The following GRID1 variants were observed in gnomAD, a reference collection of about 807,000 sequenced individuals.
GRID1 encodes glutamate receptor ionotropic, delta-1.
Under a neutral mutation model 98.0 loss-of-function variants are expected in GRID1, and 28 were observed. The observed-to-expected ratio is 0.29, with a 90% CI of 0.21 to 0.39. The LOEUF is 0.39. Among genes scored for constraint, GRID1 ranks in the 10% least tolerant of loss-of-function variants. The pLI, the probability that GRID1 is intolerant of heterozygous loss-of-function variation, is 1.00. For missense variants in GRID1, 1,111 were observed against 1,340.5 expected, an observed-to-expected ratio of 0.83 and a Z score of 2.67; for synonymous variants, 553 against 538.5, an observed-to-expected ratio of 1.03 and a Z score of -0.37.
At chr10:86,031,309 C>G (rs1232922942) in intron 4 of GRID1, among the ~76,000 whole-genome samples, 1 of 152,038 alleles carries the variant, frequency 6.6e-6, no homozygotes, top group Non-Finnish European at 1.5e-5. Context: ...GATGCAAAAA[C>G]AGAAAACCAA....
intron 8 of GRID1, among the ~76,000 whole-genome samples, chr10:85,799,812 C>G (rs1278937852): frequency 6.6e-6 from 1 of 151,828 alleles, no homozygotes; most frequent in Non-Finnish European, 1.5e-5. Flanking sequence ...AGTAGGGTGA[C>G]TACAGTTAAA....
chr10:85,769,135 T>G (rs1439220951), intron 8 of GRID1, among the ~76,000 whole-genome samples: 3 of 152,036 alleles, frequency 2.0e-5, no homozygotes, highest in Non-Finnish European at 4.4e-5. Context: ...TGAAAATAAC[T>G]GCAAGAAAAA....
intron 8 of GRID1, among the ~76,000 whole-genome samples, chr10:85,749,787 T>C (rs1880387): frequency 0.67 from 102,485 of 151,988 alleles, 34,729 homozygotes; most frequent in East Asian, 0.81. Flanking sequence ...ATTTTCACCC[T>C]AGAACTACTC....
intron 12 of GRID1, among the ~76,000 whole-genome samples, chr10:85,689,261 A>G (rs1841306256): frequency 1.3e-5 from 2 of 152,230 alleles, no homozygotes; most frequent in Non-Finnish European, 2.9e-5. Flanking sequence ...TAATAAGGAA[A>G]GAGCCAGGAA....
intron 12 of GRID1, among the ~76,000 whole-genome samples, chr10:85,651,229 A>T (rs1843264452): frequency 6.6e-6 from 1 of 152,242 alleles, no homozygotes; most frequent in African/African-American, 2.4e-5. Flanking sequence ...TACACAGTTA[A>T]TGTTTAATAA....
intron 3 of GRID1, among the ~76,000 whole-genome samples, chr10:86,205,648 A>G (rs1902672): frequency 0.78 from 118,326 of 152,118 alleles, 46,110 homozygotes; most frequent in East Asian, 0.88. Flanking sequence ...CTAAATTATC[A>G]CATAATTTTC....
rs185851007 is a variant in GRID1, at chr10:86,283,149, C to T, written c.236-76501G>A. Among the ~76,000 whole-genome samples, 254 of 152,276 alleles carry T rather than the reference C, an allele frequency of 1.7e-3. 4 individuals carry two copies. The highest frequency in any genetic ancestry group is 7.6e-4 in the Non-Finnish European group (52 of 68,008). ...TGCCCTGCTGTGTGCCTGGCCAACT[C>T]CTCCAGCTCATCCTCCAAGGCTCTG... is the stretch of plus-strand genomic sequence containing the variant. On this transcript the variant is annotated intron_variant, in intron 2 of 15. Transcript: ENST00000327946.
intron 4 of GRID1, among the ~76,000 whole-genome samples, chr10:85,919,125 G>C (rs1323920538): frequency 1.3e-5 from 2 of 152,242 alleles, no homozygotes; most frequent in African/African-American, 4.8e-5. Flanking sequence ...GGGTATACCT[G>C]TGCAGGTGAG....
intron 4 of GRID1, among the ~76,000 whole-genome samples, chr10:86,044,646 C>T (rs1021595929): frequency 3.9e-5 from 6 of 152,182 alleles, no homozygotes; most frequent in South Asian, 2.1e-4. Context: ...TTACAGGGTC[C>T]CCCATGGAAT....
chr10:86,222,227 C>A (rs1564710698), intron 2 of GRID1, among the ~76,000 whole-genome samples: 1 of 152,202 alleles, frequency 6.6e-6, no homozygotes, highest in Non-Finnish European at 1.5e-5. Context: ...CAGGTATGAT[C>A]CACTGCATGG....
chr10:86,163,934 A>G (rs1038171892), intron 3 of GRID1, among the ~76,000 whole-genome samples: 1 of 152,122 alleles, frequency 6.6e-6, no homozygotes, highest in Admixed American at 6.5e-5. Flanking sequence ...ATCTGCTTAC[A>G]TCACCCTGTC....
chr10:86,062,804 A>C (rs960404837), intron 4 of GRID1, among the ~76,000 whole-genome samples: 1 of 152,240 alleles, frequency 6.6e-6, no homozygotes, highest in African/African-American at 2.4e-5. Context: ...CCCGTCTGGC[A>C]CAGGCAGGGC....
intron 12 of GRID1, among the ~76,000 whole-genome samples, chr10:85,700,936 G>A (rs1443173801): frequency 6.6e-6 from 1 of 152,088 alleles, no homozygotes; most frequent in African/African-American, 2.4e-5. Context: ...TTATTGAATG[G>A]TTTTATATTA....
chr10:85,726,813 C>T (rs1394897797), intron 10 of GRID1, among the ~76,000 whole-genome samples: 1 of 152,122 alleles, frequency 6.6e-6, no homozygotes, highest in African/African-American at 2.4e-5. Context: ...AATGGCGTGA[C>T]GGAAGTATTC....
At chr10:85,699,546 T>C (rs530249666) in intron 12 of GRID1, among the ~76,000 whole-genome samples, 1 of 152,336 alleles carries the variant, frequency 6.6e-6, no homozygotes, top group Admixed American at 6.5e-5. Context: ...CTTTCGATCT[T>C]GTATTAAAGA....
chr10:86,165,514 G>A (rs1418792904), intron 3 of GRID1, among the ~76,000 whole-genome samples: 2 of 152,210 alleles, frequency 1.3e-5, no homozygotes, highest in Non-Finnish European at 2.9e-5. Context: ...GTTGAGCCAG[G>A]GCTGAGGGCC....
intron 2 of GRID1, among the ~76,000 whole-genome samples, chr10:86,281,095 C>A (rs973945111): frequency 2.6e-5 from 4 of 152,156 alleles, no homozygotes; most frequent in African/African-American, 9.7e-5. Context: ...GGGGGCAGAG[C>A]CTACATCTGG....
intron 2 of GRID1, among the ~76,000 whole-genome samples, chr10:86,304,404 C>A (rs1847731472): frequency 6.6e-6 from 1 of 152,234 alleles, no homozygotes; most frequent in Non-Finnish European, 1.5e-5. Context: ...CCCTGTGAAT[C>A]CTGACCCTTG....
At chr10:86,320,775 T>C (rs1239172261) in intron 2 of GRID1, among the ~76,000 whole-genome samples, 1 of 152,174 alleles carries the variant, frequency 6.6e-6, no homozygotes, top group Non-Finnish European at 1.5e-5. Flanking sequence ...AAGATGTTCA[T>C]TGTGGCTTGT....
Sources: gnomAD v4.1 joint callset for allele counts (sites outside exome capture counted in the v4.1 genomes callset) on GRCh38, gnomAD v4.1.1 for gene constraint, MANE v1.5 for transcripts, NCBI Gene and HGNC (gene_info 2026-07-23, HGNC 2026-07-21) for gene names.